LYZL4: variants seen among roughly 807,000 people sequenced by gnomAD.
LYZL4 encodes lysozyme like 4, also known as lysozyme-like protein 4.
A neutral mutation model predicts 17.6 loss-of-function variants in LYZL4; 13 were observed. The ratio of observed to expected loss-of-function variants is 0.74; its 90% CI spans 0.48 to 1.18. LYZL4 has a LOEUF of 1.18. LYZL4 is among the 50% of genes most tolerant of loss of function. The pLI is 0.00. For missense variants in LYZL4, 174 were observed against 188.2 expected (o/e 0.92, Z 0.44); for synonymous variants, 64 against 67.7 (o/e 0.95, Z 0.27).
rs568602463 is a variant in LYZL4, at chr3:42,409,694, C to A, written c.-93+723G>T. Among the ~76,000 whole-genome samples the A allele has an allele frequency of 2.0e-5, 3 of 152,356 alleles. No homozygotes were observed. In the South Asian group the frequency reaches 6.2e-4, roughly 32 times the overall value. On this transcript the variant is annotated intron_variant, in intron 1 of 4. Transcript: ENST00000287748. ...TAACTACACTCCTCTACTACATACT[C>A]CTCTCTGTTCCCCTAAACCCACTGC...
At chr3:42,395,769 A>G (rs1698541779), downstream of LYZL4, among the ~76,000 whole-genome samples, 1 of 152,204 alleles carries the variant, frequency 6.6e-6, no homozygotes, top group Non-Finnish European at 1.5e-5. Context: ...AAATGGCAAT[A>G]CCTAAAGATC....
chr3:42,373,008 A>T, the LYZL4 span, among the ~76,000 whole-genome samples: 2 of 152,096 alleles, frequency 1.3e-5, no homozygotes, highest in African/African-American at 4.8e-5. Flanking sequence ...GGAGTTTGAG[A>T]CCAGCCTGGC....
intron 3 of LYZL4, 39 bp from the exon 4 acceptor site, chr3:42,404,163 A>G (rs368095411): frequency 7.2e-7 from 1 of 1,381,852 alleles, no homozygotes; most frequent in Middle Eastern, 1.8e-4. Context: ...ATGCTGCCAT[A>G]TGACAGTTAA....
chr3:42,397,406 T>C (rs1035704741), intron 4 of LYZL4, 72 bp from the exon 5 acceptor site: 2 of 1,067,040 alleles, frequency 1.9e-6, no homozygotes, highest in African/African-American at 1.6e-5. Flanking sequence ...CACAGCCCCA[T>C]TCAGGCCATT....
intron 1 of LYZL4, among the ~76,000 whole-genome samples, chr3:42,409,446 C>A (rs1698824015): frequency 4.6e-5 from 7 of 152,288 alleles, no homozygotes; most frequent in Admixed American, 4.6e-4. Flanking sequence ...CATTTCCCAA[C>A]AGAGCAAACA....
the LYZL4 span, among the ~76,000 whole-genome samples, chr3:42,375,759 T>C: frequency 6.6e-6 from 1 of 152,224 alleles, no homozygotes; most frequent in African/African-American, 2.4e-5. Context: ...GAATATATTA[T>C]GCTTCTCTTT....
chr3:42,394,084 T>C (rs968876841), downstream of LYZL4, among the ~76,000 whole-genome samples: 16 of 152,172 alleles, frequency 1.1e-4, no homozygotes, highest in Admixed American at 2.6e-4. Flanking sequence ...TGAGCCACCG[T>C]GCCCGGCCTG....
rs762458907 is a variant in LYZL4 at position 42,406,937 on chromosome 3, ACGTGTGTTCT to A, written c.191_200del (p.Glu64ValfsTer34). 6.2e-7 allele frequency: 1 copy of A among 1,614,220 alleles called. No homozygotes were observed. ...AGAGGCCAAAGCCAGTGTAGCCCTCACGTGTGTTCTCGTAGATGGCCATGGGGTTGAACTT... is the reference window on the plus strand; with the variant it reads ...AGAGGCCAAAGCCAGTGTAGCCCTCACGTAGATGGCCATGGGGTTGAACTT... On this transcript the variant is annotated frameshift_variant, in exon 3 of 5. Coordinates refer to ENST00000287748, the MANE Select transcript of LYZL4 (RefSeq NM_144634.4). LOFTEE classifies it high-confidence loss of function.
chr3:42,389,710 G>A, the LYZL4 span, among the ~76,000 whole-genome samples: 1 of 152,192 alleles, frequency 6.6e-6, no homozygotes, highest in East Asian at 1.9e-4. Flanking sequence ...TCACAAAGGT[G>A]GCTTTATGTA....
chr3:42,380,338 T>A, the LYZL4 span, among the ~76,000 whole-genome samples: 1 of 152,214 alleles, frequency 6.6e-6, no homozygotes, highest in Admixed American at 6.5e-5. Context: ...ACATAACTGA[T>A]AAATTGTAAA....
downstream of LYZL4, among the ~76,000 whole-genome samples, chr3:42,393,786 C>T (rs1381657318): frequency 2.0e-5 from 3 of 151,992 alleles, no homozygotes; most frequent in Admixed American, 6.6e-5. Context: ...ACAGTCGCCC[C>T]AGGTGATTTT....
intron 3 of LYZL4, among the ~76,000 whole-genome samples, chr3:42,404,896 T>C (rs1698721771): frequency 6.6e-6 from 1 of 152,208 alleles, no homozygotes; most frequent in South Asian, 2.1e-4. Context: ...TTTTAATGTG[T>C]ATGTCTCCCC....
the LYZL4 span, among the ~76,000 whole-genome samples, chr3:42,375,144 G>T: frequency 1.6e-3 from 238 of 152,054 alleles, 1 homozygote; most frequent in East Asian, 0.026. Flanking sequence ...AAAAATCAAG[G>T]ATCCCCCCGC....
the LYZL4 span, among the ~76,000 whole-genome samples, chr3:42,375,003 GT>G: frequency 7.7e-4 from 117 of 152,086 alleles, no homozygotes; most frequent in Middle Eastern, 3.4e-3. Context: ...TGGAGACCAG[GT>G]TTCACCATGT....
At chr3:42,367,807 T>G in the LYZL4 span, among the ~76,000 whole-genome samples, 4 of 152,234 alleles carry the variant, frequency 2.6e-5, no homozygotes, top group East Asian at 7.7e-4. Context: ...TTTCTTTAAT[T>G]TAAACATTTA....
the LYZL4 span, among the ~76,000 whole-genome samples, chr3:42,382,711 C>G: frequency 4.6e-5 from 7 of 151,856 alleles, no homozygotes; most frequent in African/African-American, 1.7e-4. Flanking sequence ...CCCAAGGTCC[C>G]TACTCTGAAC....
chr3:42,394,527 GTCTGT>G (rs1444679735), downstream of LYZL4, among the ~76,000 whole-genome samples: 1 of 152,158 alleles, frequency 6.6e-6, no homozygotes, highest in Non-Finnish European at 1.5e-5. Flanking sequence ...TCGTGTAAAG[GTCTGT>G]GTAATATTTA....
chr3:42,387,379 T>G, the LYZL4 span, among the ~76,000 whole-genome samples: 4 of 152,186 alleles, frequency 2.6e-5, no homozygotes, highest in Non-Finnish European at 5.9e-5. Context: ...GAATTTCATG[T>G]GTGTCACTTC....
chr3:42,399,702 T>C (rs1698620597), intron 4 of LYZL4, among the ~76,000 whole-genome samples: 1 of 152,120 alleles, frequency 6.6e-6, no homozygotes, highest in Non-Finnish European at 1.5e-5. Flanking sequence ...AGGGAAATGG[T>C]TTATTTTTCA....
Sources: allele counts gnomAD v4.1 joint callset (sites outside exome capture counted in the v4.1 genomes callset), GRCh38; gene constraint gnomAD v4.1.1; transcripts MANE v1.5; gene names NCBI Gene and HGNC (gene_info 2026-07-23, HGNC 2026-07-21).